The following ABCB4 variants were observed in gnomAD, a reference collection of about 807,000 sequenced individuals.
ABCB4 encodes the protein ATP binding cassette subfamily B member 4, also known as phosphatidylcholine translocator ABCB4.
In ABCB4, 76 loss-of-function variants were observed where a neutral mutation model predicts 145.7. The observed-to-expected ratio is 0.52, with a 90% CI of 0.43 to 0.63. The LOEUF (loss-of-function observed/expected upper bound fraction) is 0.63. Among genes scored for constraint, ABCB4 ranks in the 30% least tolerant of loss-of-function variants. The pLI is 0.00. For missense variants in ABCB4, 1,234 were observed against 1,553.1 expected, an observed-to-expected ratio of 0.79 and a Z score of 3.45; for synonymous variants, 517 against 566.8, an observed-to-expected ratio of 0.91 and a Z score of 1.25.
intron 4 of ABCB4, among the ~76,000 whole-genome samples, chr7:87,460,622 G>T (rs575695173): frequency 0.034 from 4,987 of 148,426 alleles, 137 homozygotes; most frequent in South Asian, 0.11. Flanking sequence ...ACACAATTTT[G>T]TATTTATTTA....
At chr7:87,465,193 CA>C (rs1342564315) in intron 3 of ABCB4, among the ~76,000 whole-genome samples, 1 of 152,176 alleles carries the variant, frequency 6.6e-6, no homozygotes, top group African/African-American at 2.4e-5. Context: ...TGCGCTTTTC[CA>C]ATGGTCTTAG....
the ABCB4 span, among the ~76,000 whole-genome samples, chr7:87,386,672 T>C: frequency 6.6e-6 from 1 of 152,180 alleles, no homozygotes; most frequent in Non-Finnish European, 1.5e-5. Flanking sequence ...AACGAAAGGA[T>C]ACCCTGGCTG....
the ABCB4 span, among the ~76,000 whole-genome samples, chr7:87,384,968 C>CTG: frequency 6.6e-6 from 1 of 152,028 alleles, no homozygotes; most frequent in African/African-American, 2.4e-5. Context: ...ATTGAAGAGC[C>CTG]TGTCCTTTCC....
In ABCB4 at chr7:87,472,655, G is replaced by C; in HGVS notation, c.101C>G (p.Thr34Arg). Residue 34 changes from threonine (T) to arginine (R), a missense_variant, in exon 3 of 28, where the codon ACG becomes AGG. By Grantham distance (71) the Thr-to-Arg change is moderately conservative. Around this residue, in one of 7 missense-constraint regions of ABCB4, gnomAD observed 77 missense variants for 73.3 expected, o/e 1.05. Transcript: ENST00000649586. ...GISSKQKRKKTKTVKMIGVLT... is the reference protein window; with the variant it reads ...GISSKQKRKKRKTVKMIGVLT... Reference sequence around the variant, plus strand: ...TACTCCAATCATTTTCACTGTCTTCGTTTTTTTCCTTTTTTGTTTGCTGTA... The same window carrying C: ...TACTCCAATCATTTTCACTGTCTTCCTTTTTTTCCTTTTTTGTTTGCTGTA... 6.2e-7 allele frequency: 1 copy of C among 1,608,140 alleles called. No homozygotes were observed. The highest frequency in any genetic ancestry group is 1.1e-5 in the South Asian group (1 of 90,846).
At chr7:87,368,366 G>A in the ABCB4 span, among the ~76,000 whole-genome samples, 1 of 152,028 alleles carries the variant, frequency 6.6e-6, no homozygotes, top group South Asian at 2.1e-4. Context: ...AAGGGGTGTG[G>A]TCAGGAGATG....
At chr7:87,406,161 G>T in intron 26 of ABCB4, 127 bp downstream of exon 26, 3 of 944,398 alleles carry the variant, frequency 3.2e-6, no homozygotes, top group Non-Finnish European at 5.1e-6. Flanking sequence ...ATCCTGAAGT[G>T]CCTTGTCCAA....
At chr7:87,422,047 G>T in intron 18 of ABCB4, 74 bp downstream of exon 18, 1 of 1,070,448 alleles carries the variant, frequency 9.3e-7, no homozygotes, top group Non-Finnish European at 1.4e-6. Context: ...GAATTTGGAA[G>T]CTCCATTAGG....
At chr7:87,369,359 T>G in the ABCB4 span, 1 of 1,568,310 alleles carries the variant, frequency 6.4e-7, no homozygotes, top group South Asian at 1.2e-5. Flanking sequence ...TCTTGTGTTT[T>G]CTGTTTCTGT....
chr7:87,398,592 C>T, downstream of ABCB4: 1 of 1,613,702 alleles, frequency 6.2e-7, no homozygotes, highest in Non-Finnish European at 8.5e-7. Context: ...GTTCAGCTGA[C>T]TTTTTGTGCT....
At chr7:87,409,168 T>TG (rs1808422743) in intron 24 of ABCB4, 68 bp downstream of exon 24, 9 of 1,564,590 alleles carry the variant, frequency 5.8e-6, no homozygotes, top group African/African-American at 4.1e-5. Context: ...ATCCTGTAGC[T>TG]ATAATCTAGC....
chr7:87,375,714 C>G, the ABCB4 span: 1 of 1,613,336 alleles, frequency 6.2e-7, no homozygotes, highest in Non-Finnish European at 8.5e-7. Context: ...GGAGCGAACT[C>G]GATGGGCTAA....
intron 14 of ABCB4, among the ~76,000 whole-genome samples, chr7:87,432,782 A>T (rs929277700): frequency 3.3e-5 from 5 of 152,198 alleles, no homozygotes; most frequent in Non-Finnish European, 7.3e-5. Context: ...CTGGAATTCG[A>T]TAGCAGTGAT....
rs760589641 is a variant in ABCB4 at position 87,417,529 on chromosome 7, A to C, written c.2479-14T>G. On this transcript the variant is annotated splice_polypyrimidine_tract_variant and intron_variant, in intron 20 of 27. Coordinates refer to ENST00000649586, the MANE Select transcript of ABCB4 (RefSeq NM_000443.4). ...GGTTCCTGTGGCCTGGGAGAGAAAA[A>C]GCACAAAGCAACTGTAGTTTTAAGC... The C allele has an allele frequency of 3.1e-6, 5 of 1,612,202 alleles. No individual in the cohort carries two copies. Among genetic ancestry groups the C allele is most frequent in the Non-Finnish European group, 4.2e-6 (5 of 1,178,492 alleles).
chr7:87,411,123 TTATA>T (rs980441140), intron 23 of ABCB4, among the ~76,000 whole-genome samples: 8 of 152,064 alleles, frequency 5.3e-5, no homozygotes, highest in Non-Finnish European at 1.0e-4. Flanking sequence ...GATACAAAGA[TTATA>T]TAGATACATT....
intron 25 of ABCB4, 100 bp from the exon 26 acceptor site, chr7:87,406,594 G>T: frequency 7.8e-7 from 1 of 1,284,780 alleles, no homozygotes; most frequent in Non-Finnish European, 1.1e-6. Context: ...GCATGAGGGT[G>T]TCAGCAGCTT....
At position 87,471,039 on chromosome 7, in the gene ABCB4, T is replaced by C. The variant is rs555159243; in HGVS notation, c.135+1582A>G. Among the ~76,000 whole-genome samples, 46 of 152,164 alleles carry C rather than the reference T, an allele frequency of 3.0e-4. 1 individual carries two copies. Among genetic ancestry groups the C allele is most frequent in the Admixed American group, 5.2e-4 (8 of 15,292 alleles). On this transcript the variant is annotated intron_variant, in intron 3 of 27. Transcript: ENST00000649586. ...TACACCATGGAATACTATGCAGCCA[T>C]AAAAAATGATGAGTTCATGTCCTTT...
intron 2 of ABCB4, among the ~76,000 whole-genome samples, chr7:87,474,943 G>A (rs1167882585): frequency 6.6e-6 from 1 of 152,158 alleles, no homozygotes; most frequent in African/African-American, 2.4e-5. Context: ...AACAGGGGAT[G>A]GGCAGGAGGG....
In ABCB4 at chr7:87,447,068, A is replaced by G. The variant is rs751602580; in HGVS notation, c.971T>C (p.Ile324Thr). Residue 324 changes from isoleucine to threonine, a missense_variant, in exon 9 of 28, where the codon ATA becomes ACA. This residue lies in a region of ABCB4 where 467 missense variants were observed against 632.8 expected (regional missense o/e 0.74). Transcript: ENST00000649586. ...LAFWYGSTLV[I>T]SKEYTIGNAM... ...ATTTCCAATAGTATATTCTTTTGAT[A>G]TGACTAGAGTGGATCCATACCAGAA... The G allele has an allele frequency of 1.2e-6, 2 of 1,613,668 alleles. No homozygotes were observed. The highest frequency in any genetic ancestry group is 2.2e-5 in the South Asian group (2 of 91,062).
chr7:87,442,864 G>C (rs1811078787), intron 12 of ABCB4, among the ~76,000 whole-genome samples: 2 of 152,118 alleles, frequency 1.3e-5, no homozygotes, highest in Non-Finnish European at 2.9e-5. Flanking sequence ...AGTTTCTTAA[G>C]AGACCATCCC....
Sources: gnomAD v4.1 joint callset for allele counts (sites outside exome capture counted in the v4.1 genomes callset) on GRCh38, gnomAD v4.1.1 for gene constraint, gnomAD v4.1.1 regional missense constraint, MANE v1.5 for transcripts, NCBI Gene and HGNC (gene_info 2026-07-23, HGNC 2026-07-21) for gene names.